The following NCKAP5 variants were observed in gnomAD, a reference collection of about 807,000 sequenced individuals.
The protein encoded by NCKAP5 is NCK associated protein 5, also known as nck-associated protein 5.
NCKAP5 carries 92 observed loss-of-function variants against 167.0 expected under a neutral mutation model. That is an observed-to-expected ratio of 0.55 (90% CI 0.47 to 0.66). NCKAP5 has a LOEUF of 0.66. NCKAP5 is among the 30% of genes least tolerant of loss of function. NCKAP5 has a pLI of 0.00. For synonymous variants in NCKAP5, 891 were observed against 877.4 expected (o/e 1.02, Z -0.27); for missense variants, 2,378 against 2,315.0 (o/e 1.03, Z -0.56).
intron 19 of NCKAP5, among the ~76,000 whole-genome samples, chr2:132,687,344 G>C (rs77805541): frequency 3.3e-5 from 5 of 152,112 alleles, no homozygotes. Flanking sequence ...AATTGTTCAC[G>C]CACCAGATCT....
intron 4 of NCKAP5, among the ~76,000 whole-genome samples, chr2:133,268,685 T>C (rs987205664): frequency 6.6e-6 from 1 of 152,082 alleles, no homozygotes; most frequent in Non-Finnish European, 1.5e-5. Context: ...GGTTTCACCG[T>C]GGTCTCGATC....
chr2:133,451,157 C>T (rs555686441), intron 3 of NCKAP5, among the ~76,000 whole-genome samples: 1 of 152,214 alleles, frequency 6.6e-6, no homozygotes, highest in East Asian at 1.9e-4. Context: ...GAAGATGGCC[C>T]AGTAACATGA....
At chr2:133,244,618 T>A (rs11903476) in intron 4 of NCKAP5, among the ~76,000 whole-genome samples, 29,242 of 151,906 alleles carry the variant, frequency 0.19, 3,520 homozygotes, top group African/African-American at 0.35. Flanking sequence ...AATATATATT[T>A]AAAAAAACAG....
chr2:132,911,998 C>T (rs1368813795), intron 8 of NCKAP5, among the ~76,000 whole-genome samples: 1 of 152,136 alleles, frequency 6.6e-6, no homozygotes, highest in East Asian at 1.9e-4. Context: ...GGGATATCTG[C>T]AGAAACTACC....
rs113744532 is a variant in NCKAP5 at position 133,229,667 on chromosome 2, G to T, written c.144-15888C>A. Among the ~76,000 whole-genome samples the T allele has an allele frequency of 1.0e-3, 156 of 152,134 alleles. 1 individual carries two copies. Among genetic ancestry groups the T allele is most frequent in the African/African-American group, 3.6e-3 (150 of 41,504 alleles). ...AGAGAGATTAAGTATCTTCCACAAG[G>T]TCCCAGAGCTACACCTGGACACAGG... On this transcript the variant is annotated intron_variant, in intron 4 of 19. Coordinates refer to ENST00000409261, the MANE Select transcript of NCKAP5 (RefSeq NM_207363.3).
At chr2:133,196,827 T>C (rs538079656) in intron 5 of NCKAP5, among the ~76,000 whole-genome samples, 1 of 152,248 alleles carries the variant, frequency 6.6e-6, no homozygotes, top group East Asian at 1.9e-4. Flanking sequence ...TTTAGTTTTT[T>C]CCTAGTTTCC....
At chr2:133,587,181 A>G in the NCKAP5 span, among the ~76,000 whole-genome samples, 2 of 152,168 alleles carry the variant, frequency 1.3e-5, no homozygotes, top group Non-Finnish European at 2.9e-5. Flanking sequence ...ACAAGTAATG[A>G]GTAAGCATGA....
At chr2:133,500,012 T>C (rs1559530318) in intron 3 of NCKAP5, among the ~76,000 whole-genome samples, 2 of 152,162 alleles carry the variant, frequency 1.3e-5, no homozygotes, top group African/African-American at 2.4e-5. Context: ...TGGGCTTGAT[T>C]ACCTAGAAAT....
intron 4 of NCKAP5, among the ~76,000 whole-genome samples, chr2:133,292,557 T>C (rs1156574376): frequency 1.3e-5 from 2 of 152,224 alleles, no homozygotes; most frequent in Non-Finnish European, 2.9e-5. Flanking sequence ...AAGATAAGCA[T>C]GGATCTAAAA....
At chr2:133,197,798 C>A (rs1329358458) in intron 5 of NCKAP5, among the ~76,000 whole-genome samples, 1 of 151,828 alleles carries the variant, frequency 6.6e-6, no homozygotes, top group Admixed American at 6.6e-5. Context: ...AAAATACAAA[C>A]AATTAGCCAT....
chr2:132,774,607 C>T (rs1243726288), intron 15 of NCKAP5, among the ~76,000 whole-genome samples: 1 of 152,074 alleles, frequency 6.6e-6, no homozygotes, highest in Non-Finnish European at 1.5e-5. Context: ...GATGAGAATT[C>T]TGAGGTCTAG....
intron 19 of NCKAP5, among the ~76,000 whole-genome samples, chr2:132,689,079 G>T (rs1336896380): frequency 6.7e-6 from 1 of 150,296 alleles, no homozygotes; most frequent in African/African-American, 2.4e-5. Context: ...TGGAAGGTTT[G>T]CTGGAGGCAA....
chr2:133,521,285 A>G (rs1684452672), intron 2 of NCKAP5, among the ~76,000 whole-genome samples: 1 of 152,204 alleles, frequency 6.6e-6, no homozygotes, highest in Non-Finnish European at 1.5e-5. Flanking sequence ...GTCATCAAGT[A>G]ACCTTCCAAT....
At chr2:132,861,831 C>T (rs773478399) in intron 10 of NCKAP5, among the ~76,000 whole-genome samples, 19 of 152,150 alleles carry the variant, frequency 1.2e-4, no homozygotes, top group East Asian at 7.7e-4. Flanking sequence ...GTCAATTACA[C>T]GACACATTTT....
intron 8 of NCKAP5, among the ~76,000 whole-genome samples, chr2:132,931,811 G>T (rs1374845111): frequency 6.6e-6 from 1 of 152,084 alleles, no homozygotes; most frequent in African/African-American, 2.4e-5. Context: ...TGAGGACCCT[G>T]TTAATCACAC....
chr2:132,739,252 A>G (rs1416704001), intron 16 of NCKAP5, among the ~76,000 whole-genome samples: 1 of 152,172 alleles, frequency 6.6e-6, no homozygotes, highest in South Asian at 2.1e-4. Flanking sequence ...CCAATTTCAC[A>G]TATCTGTAAT....
the NCKAP5 span, among the ~76,000 whole-genome samples, chr2:133,642,419 T>C: frequency 2.0e-5 from 3 of 152,182 alleles, no homozygotes; most frequent in East Asian, 3.9e-4. Context: ...TTTAGCCAGA[T>C]GAACATATAG....
chr2:133,584,986 GA>G, the NCKAP5 span, among the ~76,000 whole-genome samples: 1 of 149,986 alleles, frequency 6.7e-6, no homozygotes, highest in African/African-American at 2.5e-5. Flanking sequence ...AGGAAGGAAG[GA>G]AGGAAGGAGG....
intron 3 of NCKAP5, among the ~76,000 whole-genome samples, chr2:133,330,186 C>A (rs901666564): frequency 2.0e-5 from 3 of 147,934 alleles, no homozygotes; most frequent in Non-Finnish European, 4.5e-5. Context: ...TCCAGCTCAG[C>A]CTCCTGAATA....
Sources: allele counts gnomAD v4.1 joint callset (sites outside exome capture counted in the v4.1 genomes callset), GRCh38; gene constraint gnomAD v4.1.1; transcripts MANE v1.5; gene names NCBI Gene and HGNC (gene_info 2026-07-23, HGNC 2026-07-21).